Variants in RALGPS2 observed in about 807,000 individuals in gnomAD.
The protein encoded by RALGPS2 is ras-specific guanine nucleotide-releasing factor RalGPS2.
Under a neutral mutation model 86.8 loss-of-function variants are expected in RALGPS2, and 43 were observed. The observed-to-expected ratio is 0.50, with a 90% CI of 0.39 to 0.64. The LOEUF is 0.64. RALGPS2 is among the 30% of genes least tolerant of loss of function. The probability of loss-of-function intolerance (pLI) is 0.00; values close to 1 mark genes in which losing one functional copy is unlikely to be tolerated. For synonymous variants in RALGPS2, 243 were observed against 231.3 expected (o/e 1.05, Z -0.46); for missense variants, 536 against 694.6 (o/e 0.77, Z 2.57).
At chr1:178,865,935 T>A in intron 8 of RALGPS2, 1 of 531,496 alleles carries the variant, frequency 1.9e-6, no homozygotes, top group South Asian at 3.2e-5. Context: ...TAGGCTAGAA[T>A]TAACTTTATT....
At chr1:178,915,357 T>C (rs1365779445) in intron 19 of RALGPS2, among the ~76,000 whole-genome samples, 1 of 152,180 alleles carries the variant, frequency 6.6e-6, no homozygotes, top group African/African-American at 2.4e-5. Flanking sequence ...TGCCTCAGCC[T>C]CCTGAGTAGC....
chr1:178,789,249 G>C (rs1653837203), intron 4 of RALGPS2, among the ~76,000 whole-genome samples: 1 of 152,192 alleles, frequency 6.6e-6, no homozygotes. Flanking sequence ...ATGTGGCAAA[G>C]AGCATAGGGG....
chr1:178,864,926 C>T, intron 8 of RALGPS2: 2 of 1,379,486 alleles, frequency 1.4e-6, no homozygotes, highest in Non-Finnish European at 1.9e-6. Context: ...CCTCATACTC[C>T]CACTTTTTAC....
At chr1:178,744,834 A>AG (rs1651226706) in intron 1 of RALGPS2, among the ~76,000 whole-genome samples, 1 of 151,642 alleles carries the variant, frequency 6.6e-6, no homozygotes, top group South Asian at 2.1e-4. Flanking sequence ...AAAAAAAAAA[A>AG]AAAGAAAGGA....
At chr1:178,867,655 C>T (rs1658498587) in intron 8 of RALGPS2, among the ~76,000 whole-genome samples, 3 of 151,970 alleles carry the variant, frequency 2.0e-5, no homozygotes, top group Admixed American at 2.0e-4. Context: ...TGACCGGTTA[C>T]TTAATTATGC....
At chr1:178,830,820 G>A (rs1469690699) in intron 7 of RALGPS2, among the ~76,000 whole-genome samples, 1 of 152,034 alleles carries the variant, frequency 6.6e-6, no homozygotes, top group Non-Finnish European at 1.5e-5. Context: ...TGCAGTGGGC[G>A]GAAGATATGT....
chr1:178,748,848 C>T (rs929444474), intron 1 of RALGPS2, among the ~76,000 whole-genome samples: 3 of 101,660 alleles, frequency 3.0e-5, no homozygotes, highest in East Asian at 6.3e-4. Context: ...GAGACTCTGT[C>T]TCAAAAAAAA....
chr1:178,914,331 G>C (rs1224686390), intron 19 of RALGPS2, among the ~76,000 whole-genome samples: 1 of 152,084 alleles, frequency 6.6e-6, no homozygotes, highest in Non-Finnish European at 1.5e-5. Context: ...CAAATATCCA[G>C]GAGGACTATG....
chr1:178,879,042 C>G lies in RALGPS2; in HGVS notation c.836+50C>G, dbSNP rs1024560785. 3.2e-6 allele frequency: 5 copies of G among 1,586,694 alleles called. No homozygotes were observed. The African/African-American group carries it at 6.8e-5, about 22-fold the overall frequency. ...TTGTATAACTTTGTCCTGTCCTCCACCTTTCTATCCCTATGTATTTAAACA... is the reference window on the plus strand; with the variant it reads ...TTGTATAACTTTGTCCTGTCCTCCAGCTTTCTATCCCTATGTATTTAAACA... On this transcript the variant is annotated intron_variant, in intron 10 of 19. Transcript: ENST00000367635.
chr1:178,772,293 A>G lies in RALGPS2; in HGVS notation c.-83-4389A>G, dbSNP rs114562863. ...TGAGTTAAGTGAACTTTTATGGGGT[A>G]GTCTTCTGAGTAGAGCATCTGGCCA... On this transcript the variant is annotated intron_variant, in intron 1 of 19. Coordinates refer to ENST00000367635, the MANE Select transcript of RALGPS2 (RefSeq NM_152663.5). Among the ~76,000 whole-genome samples, 608 of 152,338 alleles carry G rather than the reference A, an allele frequency of 4.0e-3. 3 individuals are homozygous for G. The highest frequency in any genetic ancestry group is 0.014 in the Middle Eastern group (4 of 294).
chr1:178,768,132 C>T (rs546086332), intron 1 of RALGPS2, among the ~76,000 whole-genome samples: 1 of 152,230 alleles, frequency 6.6e-6, no homozygotes, highest in African/African-American at 2.4e-5. Flanking sequence ...TGTCTTGGAT[C>T]TTGTTGAGCT....
At position 178,809,917 on chromosome 1, in the gene RALGPS2, TAG is replaced by T. The variant is rs1396423793; in HGVS notation, c.298-1393_298-1392del. On this transcript the variant is annotated intron_variant, in intron 5 of 19. Transcript: ENST00000367635. ...AAGTGATATACGTCCTAACTTTTGA[TAG>T]AGAGTGACAAAGAATGTATGCTTAA... Among the ~76,000 whole-genome samples, 5 of 152,244 alleles carry T rather than the reference TAG, an allele frequency of 3.3e-5. No homozygotes were observed. In the South Asian group the frequency reaches 6.2e-4, roughly 19 times the overall value.
intron 8 of RALGPS2, among the ~76,000 whole-genome samples, chr1:178,853,420 T>G (rs1446167032): frequency 6.6e-6 from 1 of 152,138 alleles, no homozygotes; most frequent in African/African-American, 2.4e-5. Context: ...GCAATTTAAT[T>G]TTGACTTTAA....
intron 1 of RALGPS2, among the ~76,000 whole-genome samples, chr1:178,744,665 A>G (rs951457002): frequency 9.9e-5 from 15 of 152,070 alleles, no homozygotes; most frequent in Non-Finnish European, 1.6e-4. Context: ...AATACAAAAA[A>G]AATTAGCGCG....
intron 8 of RALGPS2, among the ~76,000 whole-genome samples, chr1:178,869,597 T>C (rs1240206589): frequency 1.3e-5 from 2 of 152,120 alleles, no homozygotes; most frequent in Non-Finnish European, 2.9e-5. Context: ...CACTGTTGCT[T>C]GGAAATTTTG....
chr1:178,737,291 G>A (rs1208217978), intron 1 of RALGPS2, among the ~76,000 whole-genome samples: 2 of 152,180 alleles, frequency 1.3e-5, no homozygotes, highest in Non-Finnish European at 2.9e-5. Context: ...TGTCGCCCAG[G>A]CTGAAGTGCC....
At chr1:178,748,153 C>G (rs1459169220) in intron 1 of RALGPS2, among the ~76,000 whole-genome samples, 1 of 151,930 alleles carries the variant, frequency 6.6e-6, no homozygotes, top group African/African-American at 2.4e-5. Context: ...AACCCTGTCT[C>G]TGCTAAAAAT....
chr1:178,897,009 C>T lies in RALGPS2; in HGVS notation c.1432-655C>T, dbSNP rs112762246. 8.0e-3 allele frequency among the ~76,000 whole-genome samples: 1,219 copies of T among 151,758 alleles called. 10 individuals are homozygous for T. Among genetic ancestry groups the T allele is most frequent in the Non-Finnish European group, 0.01 (691 of 67,862 alleles). On this transcript the variant is annotated intron_variant, in intron 16 of 19. Coordinates refer to ENST00000367635, the MANE Select transcript of RALGPS2 (RefSeq NM_152663.5). ...GGATGGCTGGGTCAAATGGTATTTC[C>T]AGTTCTAGATCCCTGAGGAATCGCC...
chr1:178,920,020 G>A lies in RALGPS2; in HGVS notation c.*3661G>A, dbSNP rs770604932. ...ATGAGGTTGGTATGACTTCTTTAGT[G>A]ACCTTTTAGGGTTTGCTTTTATTTT... On this transcript the variant is annotated 3_prime_UTR_variant, in exon 20 of 20. Coordinates refer to ENST00000367635, the MANE Select transcript of RALGPS2 (RefSeq NM_152663.5). 1 of 151,918 alleles carries A rather than the reference G, an allele frequency of 6.6e-6. No individual in the cohort carries two copies. The highest frequency in any genetic ancestry group is 1.5e-5 in the Non-Finnish European group (1 of 67,848). The allele number at this position is 151,918 out of a possible 1,614,324, so 9.4% of individuals were successfully genotyped here. A position where few individuals can be genotyped will look rare whatever the true frequency, so the allele number is the denominator to read the frequency against.
Sources: allele counts gnomAD v4.1 joint callset (sites outside exome capture counted in the v4.1 genomes callset), GRCh38; gene constraint gnomAD v4.1.1; transcripts MANE v1.5; gene names NCBI Gene and HGNC (gene_info 2026-07-23, HGNC 2026-07-21).